Variants in CLASP1 observed in about 807,000 individuals in gnomAD.
The protein encoded by CLASP1 is cytoplasmic linker associated protein 1, also known as CLIP-associating protein 1.
Under a neutral mutation model 192.3 loss-of-function variants are expected in CLASP1, and 38 were observed. The ratio of observed to expected loss-of-function variants is 0.20; its 90% CI spans 0.15 to 0.26. The LOEUF (loss-of-function observed/expected upper bound fraction) is 0.26. Among genes scored for constraint, CLASP1 ranks in the 10% least tolerant of loss-of-function variants. CLASP1 has a pLI of 1.00. For missense variants in CLASP1, 1,433 were observed against 1,932.5 expected (o/e 0.74, Z 4.85); for synonymous variants, 691 against 712.8 (o/e 0.97, Z 0.49).
intron 11 of CLASP1, 87 bp from the exon 12 acceptor site, chr2:121,460,212 G>T: frequency 9.0e-7 from 1 of 1,105,068 alleles, no homozygotes; most frequent in Non-Finnish European, 1.3e-6. Context: ...ATACAAAAGA[G>T]ATCATTGTTA....
At chr2:121,377,572 T>A (rs762559034) in exon 34 of CLASP1, 20 of 1,596,960 alleles carry the variant, frequency 1.3e-5, no homozygotes, top group Non-Finnish European at 1.6e-5. Flanking sequence ...ACTAAACTTT[T>A]CAATGGCTTC....
chr2:121,543,401 A>G (rs2095270445), intron 2 of CLASP1, among the ~76,000 whole-genome samples: 1 of 152,188 alleles, frequency 6.6e-6, no homozygotes, highest in South Asian at 2.1e-4. Context: ...TAAATTTGCA[A>G]TCTCTCTCAT....
At chr2:121,525,447 C>T (rs2094552804) in intron 6 of CLASP1, among the ~76,000 whole-genome samples, 1 of 152,078 alleles carries the variant, frequency 6.6e-6, no homozygotes, top group Non-Finnish European at 1.5e-5. Context: ...CAGAAAATTC[C>T]CCTCAGACCC....
intron 2 of CLASP1, among the ~76,000 whole-genome samples, chr2:121,543,999 A>T (rs1347741889): frequency 6.6e-6 from 1 of 152,256 alleles, no homozygotes. Context: ...AAGCCCAAAA[A>T]GATGAACAAA....
intron 8 of CLASP1, among the ~76,000 whole-genome samples, chr2:121,497,776 G>A (rs923563798): frequency 6.6e-6 from 1 of 152,160 alleles, no homozygotes; most frequent in Non-Finnish European, 1.5e-5. Context: ...CTGGAGTGCA[G>A]TGACACAATG....
chr2:121,397,613 C>T (rs1014647091), intron 29 of CLASP1, among the ~76,000 whole-genome samples: 2 of 152,212 alleles, frequency 1.3e-5, no homozygotes, highest in East Asian at 3.8e-4. Context: ...AGCTCTGCCA[C>T]TGACTGCAGG....
intron 34 of CLASP1, among the ~76,000 whole-genome samples, chr2:121,371,820 G>A (rs1025082919): frequency 1.3e-5 from 2 of 152,056 alleles, no homozygotes; most frequent in African/African-American, 2.4e-5. Flanking sequence ...CACTGTGTAG[G>A]CAAGGTTCTT....
chr2:121,374,071 A>G (rs1573982812), intron 34 of CLASP1, among the ~76,000 whole-genome samples: 1 of 152,212 alleles, frequency 6.6e-6, no homozygotes, highest in Admixed American at 6.5e-5. Flanking sequence ...AGCCCCTCCC[A>G]TCACAGACCT....
intron 37 of CLASP1, among the ~76,000 whole-genome samples, chr2:121,356,470 C>T (rs2065409237): frequency 1.3e-5 from 2 of 152,204 alleles, no homozygotes; most frequent in South Asian, 4.1e-4. Context: ...AGAAAAGTTC[C>T]AGGCTATAAG....
At chr2:121,447,484 C>T (rs760269462) in exon 19 of CLASP1, 8 of 1,554,112 alleles carry the variant, frequency 5.1e-6, no homozygotes, top group Admixed American at 2.0e-5. Context: ...GTCGTTGACA[C>T]AGATTTGGTA....
At chr2:121,496,840 T>C (rs1011675255) in intron 8 of CLASP1, among the ~76,000 whole-genome samples, 1 of 152,088 alleles carries the variant, frequency 6.6e-6, no homozygotes, top group Non-Finnish European at 1.5e-5. Flanking sequence ...TGCCAACAGA[T>C]GAATGGAATA....
At chr2:121,416,915 G>A (rs552240935) in intron 23 of CLASP1, among the ~76,000 whole-genome samples, 1 of 152,290 alleles carries the variant, frequency 6.6e-6, no homozygotes, top group South Asian at 2.1e-4. Flanking sequence ...AACGGTGTGT[G>A]TACACATGAG....
At chr2:121,420,108 T>A (rs1393951793) in intron 22 of CLASP1, among the ~76,000 whole-genome samples, 1 of 148,086 alleles carries the variant, frequency 6.8e-6, no homozygotes, top group Non-Finnish European at 1.5e-5. Context: ...TTAAGTGATA[T>A]CCAAATGCTT....
At chr2:121,521,339 G>T (rs894235299) in intron 6 of CLASP1, among the ~76,000 whole-genome samples, 2 of 152,068 alleles carry the variant, frequency 1.3e-5, no homozygotes, top group Non-Finnish European at 2.9e-5. Flanking sequence ...TGAACCTTTC[G>T]ATATGAAAGT....
intron 11 of CLASP1, 40 bp from the exon 12 acceptor site, chr2:121,460,165 T>C (rs776596262): frequency 6.5e-7 from 1 of 1,532,110 alleles, no homozygotes; most frequent in East Asian, 2.3e-5. Context: ...AGAAAACAAT[T>C]CTAACACAGA....
chr2:121,515,384 G>C (rs1575589093), intron 7 of CLASP1, among the ~76,000 whole-genome samples: 2 of 152,250 alleles, frequency 1.3e-5, no homozygotes. Context: ...CCATAAAACT[G>C]TAAGAGTGCT....
At chr2:121,460,264 A>T in intron 11 of CLASP1, 139 bp from the exon 12 acceptor site, 1 of 615,794 alleles carries the variant, frequency 1.6e-6, no homozygotes, top group South Asian at 3.0e-5. Flanking sequence ...GAATTCAGCC[A>T]GTTAAATATT....
chr2:121,530,866 G>C (rs766151276), intron 2 of CLASP1: 25 of 678,366 alleles, frequency 3.7e-5, no homozygotes, highest in Admixed American at 8.2e-5. Flanking sequence ...TGCAGCCCAG[G>C]GACTTTCTAT....
rs2078981430 is a variant in CLASP1 at position 121,418,607 on chromosome 2, C to T, written c.2320+15G>A. 5 of 1,591,188 alleles carry T rather than the reference C, an allele frequency of 3.1e-6. No homozygotes were observed. The highest frequency in any genetic ancestry group is 3.4e-6 in the Non-Finnish European group (4 of 1,159,574). On this transcript the variant is annotated intron_variant, in intron 23 of 39. Coordinates refer to ENST00000263710, the Ensembl canonical transcript of CLASP1. ...GGAACTCTTTGCTCCTCAGCCAGCA[C>T]CTACGTGTACTCACCAAGTGGAGGA...
Sources: allele counts gnomAD v4.1 joint callset (sites outside exome capture counted in the v4.1 genomes callset), GRCh38; gene constraint gnomAD v4.1.1; transcripts MANE v1.5; gene names NCBI Gene and HGNC (gene_info 2026-07-23, HGNC 2026-07-21).